Variants in POU6F2 observed in about 807,000 individuals in gnomAD.
The protein encoded by POU6F2 is POU class 6 homeobox 2.
Under a neutral mutation model 71.3 loss-of-function variants are expected in POU6F2, and 31 were observed. The ratio of observed to expected loss-of-function variants is 0.43; its 90% CI spans 0.33 to 0.59. The LOEUF (loss-of-function observed/expected upper bound fraction) is 0.59, where lower values mean the gene tolerates loss of function less well. POU6F2 is among the 20% of genes least tolerant of loss of function. POU6F2 has a pLI of 0.04. For synonymous variants in POU6F2, 347 were observed against 355.7 expected (o/e 0.98, Z 0.27); for missense variants, 783 against 856.8 (o/e 0.91, Z 1.07).
In POU6F2 at chr7:39,460,816, CAG is replaced by C; in HGVS notation, c.1658+106_1658+107del. 1.5e-6 allele frequency: 2 copies of C among 1,330,074 alleles called. No homozygotes were observed. The highest frequency in any genetic ancestry group is 2.0e-6 in the Non-Finnish European group (2 of 1,004,698). The allele number at this position is 1,330,074 out of a possible 1,614,324, so 82.4% of individuals were successfully genotyped here. A position where few individuals can be genotyped will look rare whatever the true frequency, so the allele number is the denominator to read the frequency against. ...CGTCGGGTGGGCAAAGCTGGAGGGG[CAG>C]AGAGTGGGAACAAAGTTTGGGGGCA... On this transcript the variant is annotated intron_variant, in intron 9 of 9. Coordinates refer to ENST00000518318, the MANE Select transcript of POU6F2 (RefSeq NM_001370959.1). The surrounding 1 kb of genome is among the most constrained non-coding windows in gnomAD (Gnocchi z 4.4).
At chr7:39,048,017 C>T (rs1366982287) in intron 1 of POU6F2, among the ~76,000 whole-genome samples, 3 of 151,570 alleles carry the variant, frequency 2.0e-5, no homozygotes, top group Non-Finnish European at 4.4e-5. Context: ...AAATAGGCCT[C>T]GTAGAATGAT....
At chr7:39,063,688 A>G (rs537463418) in intron 1 of POU6F2, among the ~76,000 whole-genome samples, 65 of 152,306 alleles carry the variant, frequency 4.3e-4, no homozygotes, top group African/African-American at 1.5e-3. Flanking sequence ...AAGAAAATCA[A>G]TGAAAAGAGA....
intron 1 of POU6F2, among the ~76,000 whole-genome samples, chr7:39,068,190 T>C (rs1365638890): frequency 6.6e-6 from 1 of 152,140 alleles, no homozygotes; most frequent in African/African-American, 2.4e-5. Context: ...TTTTATAGCA[T>C]ACATTTTTGC....
chr7:39,046,581 T>G (rs1170110960), intron 1 of POU6F2, among the ~76,000 whole-genome samples: 1 of 151,962 alleles, frequency 6.6e-6, no homozygotes, highest in Non-Finnish European at 1.5e-5. Context: ...TTCTTCTCGA[T>G]CAGGATTTTG....
chr7:39,265,838 G>A (rs1006261681), intron 4 of POU6F2, among the ~76,000 whole-genome samples: 1 of 152,204 alleles, frequency 6.6e-6, no homozygotes, highest in African/African-American at 2.4e-5. Flanking sequence ...TAATAGAGCG[G>A]TGTGCAGACG....
chr7:39,108,882 T>G (rs1239032136), intron 2 of POU6F2, among the ~76,000 whole-genome samples: 1 of 152,208 alleles, frequency 6.6e-6, no homozygotes, highest in Admixed American at 6.5e-5. Context: ...TATATTTTTA[T>G]GAAACATTAG....
At chr7:39,436,951 C>G (rs1340595626) in intron 7 of POU6F2, among the ~76,000 whole-genome samples, 1 of 152,172 alleles carries the variant, frequency 6.6e-6, no homozygotes, top group South Asian at 2.1e-4. Flanking sequence ...GTTGAACCAG[C>G]CTTGCATCCC....
intron 4 of POU6F2, among the ~76,000 whole-genome samples, chr7:39,313,843 C>T (rs1785211092): frequency 1.3e-5 from 2 of 152,268 alleles, no homozygotes; most frequent in Non-Finnish European, 2.9e-5. Flanking sequence ...ATTATCTTAG[C>T]GTCAGAGCTA....
intron 4 of POU6F2, among the ~76,000 whole-genome samples, chr7:39,254,726 G>A (rs1478016955): frequency 6.6e-6 from 1 of 152,118 alleles, no homozygotes; most frequent in East Asian, 1.9e-4. Context: ...CAGCTTTGGT[G>A]TCTGTTGCAA....
At chr7:39,064,209 T>C (rs1790712961) in intron 1 of POU6F2, among the ~76,000 whole-genome samples, 1 of 152,040 alleles carries the variant, frequency 6.6e-6, no homozygotes, top group African/African-American at 2.4e-5. Context: ...ATAATAATAG[T>C]AAATTTGATA....
intron 5 of POU6F2, among the ~76,000 whole-genome samples, chr7:39,384,394 C>A (rs896116881): frequency 6.6e-6 from 1 of 152,130 alleles, no homozygotes; most frequent in Non-Finnish European, 1.5e-5. Flanking sequence ...ACTCAAAGCA[C>A]GCTCTTATCA....
At chr7:39,254,488 A>G (rs1276000520) in intron 4 of POU6F2, among the ~76,000 whole-genome samples, 2 of 152,158 alleles carry the variant, frequency 1.3e-5, no homozygotes, top group Non-Finnish European at 1.5e-5. Context: ...ATCTCCTGGG[A>G]ATCTAAAGAT....
intron 2 of POU6F2, among the ~76,000 whole-genome samples, chr7:39,123,547 A>C (rs1258334678): frequency 6.6e-6 from 1 of 152,194 alleles, no homozygotes; most frequent in African/African-American, 2.4e-5. Flanking sequence ...CAGATATTAG[A>C]GCATCAGTTG....
At chr7:39,271,438 T>C (rs1784336327) in intron 4 of POU6F2, among the ~76,000 whole-genome samples, 1 of 152,028 alleles carries the variant, frequency 6.6e-6, no homozygotes, top group Non-Finnish European at 1.5e-5. Context: ...TTGGCTTTGT[T>C]TTATTTTGTT....
chr7:39,252,554 G>C (rs1783945319), intron 4 of POU6F2, among the ~76,000 whole-genome samples: 2 of 152,078 alleles, frequency 1.3e-5, no homozygotes, highest in Admixed American at 6.5e-5. Context: ...CATGTTTGAG[G>C]GTTCACGCAA....
At chr7:39,450,216 T>C (rs1363260423) in intron 7 of POU6F2, among the ~76,000 whole-genome samples, 1 of 152,192 alleles carries the variant, frequency 6.6e-6, no homozygotes, top group Non-Finnish European at 1.5e-5. Flanking sequence ...AACAAGGTGG[T>C]AGTCCTTCTC....
chr7:39,357,239 A>G (rs1225661008), intron 5 of POU6F2, among the ~76,000 whole-genome samples: 1 of 152,216 alleles, frequency 6.6e-6, no homozygotes, highest in African/African-American at 2.4e-5. Context: ...CCACTGCAAG[A>G]GCAGGCAAAC....
chr7:39,162,994 ATCTC>A (rs1250401473), intron 2 of POU6F2, among the ~76,000 whole-genome samples: 1 of 152,252 alleles, frequency 6.6e-6, no homozygotes, highest in African/African-American at 2.4e-5. Context: ...ACTCTGGAGA[ATCTC>A]TATCATTCAT....
chr7:39,001,500 G>T (rs768794321), intron 1 of POU6F2, among the ~76,000 whole-genome samples: 18 of 152,116 alleles, frequency 1.2e-4, no homozygotes, highest in Admixed American at 2.0e-4. Flanking sequence ...GCACCAGAAA[G>T]GAAATGAAAA....
Sources: gnomAD v4.1 joint callset for allele counts (sites outside exome capture counted in the v4.1 genomes callset) on GRCh38, gnomAD v4.1.1 for gene constraint, Gnocchi (gnomAD v3.1) non-coding constraint, MANE v1.5 for transcripts, NCBI Gene and HGNC (gene_info 2026-07-23, HGNC 2026-07-21) for gene names.